ZDHHC7: variants seen among roughly 807,000 people sequenced by gnomAD.
The protein encoded by ZDHHC7 is zDHHC palmitoyltransferase 7.
ZDHHC7 carries 12 observed loss-of-function variants against 34.1 expected under a neutral mutation model. The observed-to-expected ratio is 0.35, with a 90% CI of 0.23 to 0.57. ZDHHC7 has a LOEUF of 0.57. Ranked by LOEUF, ZDHHC7 falls within the 20% of genes least tolerant of loss-of-function variation. The pLI is 0.84. For missense variants in ZDHHC7, 388 were observed against 402.7 expected (o/e 0.96, Z 0.31); for synonymous variants, 185 against 155.4 (o/e 1.19, Z -1.42).
chr16:85,013,249 T>TTAC (rs1567511077), upstream of ZDHHC7, among the ~76,000 whole-genome samples: 8 of 151,904 alleles, frequency 5.3e-5, no homozygotes, highest in Non-Finnish European at 1.0e-4. Context: ...ATTATTATTA[T>TTAC]TATTTTACTT....
At chr16:85,019,969 T>C in the ZDHHC7 span, among the ~76,000 whole-genome samples, 7 of 152,174 alleles carry the variant, frequency 4.6e-5, no homozygotes, top group Non-Finnish European at 7.3e-5. Flanking sequence ...GAAATCTCTT[T>C]GTACAGCTGC....
the ZDHHC7 span, among the ~76,000 whole-genome samples, chr16:85,025,286 T>A: frequency 6.6e-6 from 1 of 151,430 alleles, no homozygotes; most frequent in Non-Finnish European, 1.5e-5. Flanking sequence ...AAAAAGAGCC[T>A]AATCTGAGAC....
intron 1 of ZDHHC7, among the ~76,000 whole-genome samples, chr16:85,001,906 C>T (rs755420118): frequency 2.3e-5 from 3 of 129,612 alleles, no homozygotes; most frequent in Non-Finnish European, 3.2e-5. Flanking sequence ...ATAAAAGGAA[C>T]CAGGACTGAG....
chr16:84,996,571 G>A (rs9933450), intron 1 of ZDHHC7, among the ~76,000 whole-genome samples: 70,398 of 151,714 alleles, frequency 0.46, 20,009 homozygotes, highest in African/African-American at 0.81. Context: ...AATCCTCTCT[G>A]GCACTAACAT....
chr16:84,978,116 C>T (rs887612025), intron 5 of ZDHHC7, 111 bp from the exon 6 acceptor site: 23 of 711,520 alleles, frequency 3.2e-5, no homozygotes, highest in African/African-American at 2.6e-4. Context: ...CAGCTCACTG[C>T]AACCTCCGCC....
intron 3 of ZDHHC7, among the ~76,000 whole-genome samples, chr16:84,984,081 G>A (rs1360824896): frequency 1.4e-5 from 2 of 147,430 alleles, no homozygotes; most frequent in Non-Finnish European, 3.0e-5. Context: ...GTGCAGTGGT[G>A]TGATCTTGGC....
intron 1 of ZDHHC7, among the ~76,000 whole-genome samples, chr16:85,005,247 G>A (rs974263239): frequency 2.0e-5 from 3 of 152,164 alleles, no homozygotes; most frequent in Non-Finnish European, 4.4e-5. Context: ...TCTTCCTAGA[G>A]TTTCCCTGTT....
chr16:84,984,282 A>G (rs1434970503), intron 3 of ZDHHC7, among the ~76,000 whole-genome samples: 2 of 152,070 alleles, frequency 1.3e-5, no homozygotes, highest in Non-Finnish European at 2.9e-5. Flanking sequence ...CAGCTTCTCA[A>G]AGTGCTAGGA....
At chr16:84,999,876 G>C (rs1322652244) in intron 1 of ZDHHC7, among the ~76,000 whole-genome samples, 1 of 152,198 alleles carries the variant, frequency 6.6e-6, no homozygotes, top group African/African-American at 2.4e-5. Flanking sequence ...GCCGGGCACA[G>C]TGGCTCATAC....
the ZDHHC7 span, among the ~76,000 whole-genome samples, chr16:85,016,688 G>T: frequency 2.6e-5 from 4 of 151,074 alleles, no homozygotes; most frequent in Non-Finnish European, 4.4e-5. Context: ...GGCTAGTCTT[G>T]AACTCAAGCG....
intron 2 of ZDHHC7, 137 bp downstream of exon 2, chr16:84,995,785 A>C (rs1238984964): frequency 1.3e-5 from 2 of 152,212 alleles, no homozygotes; most frequent in Admixed American, 6.5e-5. Context: ...AGCGGGTGAA[A>C]AGGAAGGCGT....
chr16:85,021,204 G>C, the ZDHHC7 span, among the ~76,000 whole-genome samples: 19 of 152,090 alleles, frequency 1.2e-4, no homozygotes, highest in Admixed American at 5.9e-4. Context: ...ACAAGGTCAA[G>C]AGATGGAGAC....
chr16:85,009,801 C>A (rs747244103), intron 1 of ZDHHC7, among the ~76,000 whole-genome samples: 7 of 151,254 alleles, frequency 4.6e-5, no homozygotes, highest in African/African-American at 7.3e-5. Context: ...CTCCGCCTCC[C>A]GGGTTCACGT....
In ZDHHC7 at chr16:84,990,418, G is replaced by GA; in HGVS notation, c.200dup (p.Val68ArgfsTer20). On this transcript the variant is annotated frameshift_variant, in exon 3 of 8. Coordinates refer to ENST00000313732, the MANE Select transcript of ZDHHC7 (RefSeq NM_017740.3). LOFTEE classifies it high-confidence loss of function. ...AGTCTTTGGAAGGCAGCAGCATGAC[G>GA]AAAGTCACCACGAAGTCTGCATAGG... The GA allele has an allele frequency of 1.2e-6, 2 of 1,614,150 alleles. No individual in the cohort carries two copies. Among genetic ancestry groups the GA allele is most frequent in the Non-Finnish European group, 1.7e-6 (2 of 1,180,030 alleles).
intron 5 of ZDHHC7, chr16:84,978,250 C>A (rs1320492471): frequency 6.0e-6 from 2 of 334,546 alleles, no homozygotes; most frequent in East Asian, 1.2e-4. Context: ...CCAGGCTGGT[C>A]TGTAACTGCT....
intron 1 of ZDHHC7, among the ~76,000 whole-genome samples, chr16:85,009,331 A>G (rs1259678885): frequency 6.6e-6 from 1 of 152,098 alleles, no homozygotes; most frequent in Non-Finnish European, 1.5e-5. Flanking sequence ...GTTCTTATAT[A>G]AAGTTCATTT....
At chr16:85,020,650 C>A in the ZDHHC7 span, among the ~76,000 whole-genome samples, 4 of 152,088 alleles carry the variant, frequency 2.6e-5, no homozygotes, top group Non-Finnish European at 2.9e-5. Flanking sequence ...TAAGGCCCTG[C>A]GAGGGTCAGT....
rs559366573 is a variant in ZDHHC7, at chr16:84,982,114, G to A, written c.316-120C>T. ...TGGGAGGCTGAGGCGGGTGGATCAC[G>A]GGGTCAGGAGTTCAAGACCAGCCTG... is the stretch of plus-strand genomic sequence containing the variant. On this transcript the variant is annotated intron_variant, in intron 3 of 7. Transcript: ENST00000313732. The A allele has an allele frequency of 2.2e-5, 30 of 1,336,008 alleles. No homozygotes were observed. The African/African-American group carries it at 2.8e-4, about 12-fold the overall frequency. The allele number at this position is 1,336,008 out of a possible 1,614,324, so 82.8% of individuals were successfully genotyped here.
At chr16:84,998,196 G>A (rs1434665859) in intron 1 of ZDHHC7, among the ~76,000 whole-genome samples, 5 of 151,020 alleles carry the variant, frequency 3.3e-5, no homozygotes, top group South Asian at 2.1e-4. Flanking sequence ...CCCGGGAGGC[G>A]GAGTTTGCAG....
Sources: gnomAD v4.1 joint callset for allele counts (sites outside exome capture counted in the v4.1 genomes callset) on GRCh38, gnomAD v4.1.1 for gene constraint, MANE v1.5 for transcripts, NCBI Gene and HGNC (gene_info 2026-07-23, HGNC 2026-07-21) for gene names.